ITGA9: variants seen among roughly 807,000 people sequenced by gnomAD.
ITGA9 encodes the protein integrin alpha-9.
Under a neutral mutation model 127.8 loss-of-function variants are expected in ITGA9, and 56 were observed. The ratio of observed to expected loss-of-function variants is 0.44; its 90% CI spans 0.35 to 0.55. The LOEUF (loss-of-function observed/expected upper bound fraction) is 0.55, where lower values mean the gene tolerates loss of function less well. Among genes scored for constraint, ITGA9 ranks in the 20% least tolerant of loss-of-function variants. The probability of loss-of-function intolerance (pLI) is 0.00; values close to 1 mark genes in which losing one functional copy is unlikely to be tolerated. For synonymous variants in ITGA9, 508 were observed against 514.5 expected, an observed-to-expected ratio of 0.99 and a Z score of 0.17; for missense variants, 1,196 against 1,347.1, an observed-to-expected ratio of 0.89 and a Z score of 1.76.
At position 37,799,296 on chromosome 3, in the gene ITGA9, A is replaced by C. The variant is rs983157749; in HGVS notation, c.2890-4527A>C. Among the ~76,000 whole-genome samples the C allele has an allele frequency of 7.9e-5, 12 of 152,118 alleles. No individual in the cohort carries two copies. The highest frequency in any genetic ancestry group is 6.5e-4 in the Admixed American group (10 of 15,272). ...CGGGCTCAAGTGATTCTCCTGCCTC[A>C]GCCTCCCAAGTAGCTGGGACTACAG... On this transcript the variant is annotated intron_variant, in intron 26 of 27. Transcript: ENST00000264741. The surrounding 1 kb of genome is among the most constrained non-coding windows in gnomAD (Gnocchi z 4.0).
chr3:37,751,568 G>A (rs1046078179), intron 23 of ITGA9, among the ~76,000 whole-genome samples: 2 of 152,132 alleles, frequency 1.3e-5, no homozygotes, highest in East Asian at 3.9e-4. Flanking sequence ...CTCAGATTCT[G>A]AAGGTACCCC....
chr3:37,535,461 A>G (rs1699198927), intron 14 of ITGA9, among the ~76,000 whole-genome samples: 1 of 152,174 alleles, frequency 6.6e-6, no homozygotes. Context: ...CTGGGGCCCC[A>G]TCTAGCATGA....
At chr3:37,747,719 T>C (rs867222910) in intron 22 of ITGA9, among the ~76,000 whole-genome samples, 1 of 149,416 alleles carries the variant, frequency 6.7e-6, no homozygotes. Flanking sequence ...TTTTTTTCTT[T>C]TTTTTTTTTG....
chr3:37,722,074 G>A (rs762254652), intron 18 of ITGA9, among the ~76,000 whole-genome samples: 3 of 152,100 alleles, frequency 2.0e-5, no homozygotes, highest in African/African-American at 4.8e-5. Context: ...CTTCCCAAAC[G>A]TGTGGCCTCT....
Position 37,798,610 on chromosome 3 carries a change from T to G in ITGA9, c.2890-5213T>G, listed in dbSNP as rs529398756. On this transcript the variant is annotated intron_variant, in intron 26 of 27. Coordinates refer to ENST00000264741, the MANE Select transcript of ITGA9 (RefSeq NM_002207.3). Reference sequence around the variant, plus strand: ...GGTGGAGGTCCCAAATTCTGTAAAGTTACCTATTAACTTACGGAAGGCTGA... The same window carrying G: ...GGTGGAGGTCCCAAATTCTGTAAAGGTACCTATTAACTTACGGAAGGCTGA... 2.0e-5 allele frequency among the ~76,000 whole-genome samples: 3 copies of G among 152,332 alleles called. No individual in the cohort carries two copies. In the South Asian group the frequency reaches 6.2e-4, roughly 32 times the overall value.
At chr3:37,662,098 A>G (rs1248092781) in intron 17 of ITGA9, among the ~76,000 whole-genome samples, 1 of 152,038 alleles carries the variant, frequency 6.6e-6, no homozygotes, top group African/African-American at 2.4e-5. Context: ...AGTGCTTTTA[A>G]CCTAACAAGA....
intron 23 of ITGA9, among the ~76,000 whole-genome samples, chr3:37,751,263 A>G (rs991511984): frequency 3.9e-5 from 6 of 152,184 alleles, no homozygotes; most frequent in African/African-American, 1.4e-4. Context: ...GTTCCATGGC[A>G]TCCCCTTGTC....
At chr3:37,657,316 G>C (rs972931269) in intron 17 of ITGA9, among the ~76,000 whole-genome samples, 1 of 152,220 alleles carries the variant, frequency 6.6e-6, no homozygotes, top group East Asian at 1.9e-4. Flanking sequence ...AATCCGCCTG[G>C]TCCTGGGCTT....
chr3:37,520,591 T>C (rs916535203), intron 11 of ITGA9, among the ~76,000 whole-genome samples: 5 of 152,226 alleles, frequency 3.3e-5, no homozygotes, highest in African/African-American at 9.6e-5. Flanking sequence ...TATTTTGCCA[T>C]GAGGCATACA....
At chr3:37,526,298 T>G (rs1460162847) in intron 13 of ITGA9, among the ~76,000 whole-genome samples, 2 of 152,104 alleles carry the variant, frequency 1.3e-5, no homozygotes, top group Non-Finnish European at 2.9e-5. Context: ...TGGGAGCTTC[T>G]AGGTAGGGGT....
chr3:37,552,469 TA>T (rs755100276), intron 15 of ITGA9, among the ~76,000 whole-genome samples: 2 of 152,150 alleles, frequency 1.3e-5, no homozygotes, highest in Non-Finnish European at 2.9e-5. Flanking sequence ...TTAGTATTAA[TA>T]TCATGGCCTC....
chr3:37,629,295 C>T lies in ITGA9; in HGVS notation c.1798C>T (p.Leu600Phe). The T allele has an allele frequency of 1.2e-6, 2 of 1,614,094 alleles. No individual in the cohort carries two copies. Among genetic ancestry groups the T allele is most frequent in the Non-Finnish European group, 1.7e-6 (2 of 1,180,014 alleles). Residue 600 changes from leucine (L) to phenylalanine (F), a missense_variant, in exon 16 of 28, where the codon CTC (leucine) becomes TTC (phenylalanine). By Grantham distance (22) the Leu-to-Phe change is conservative. Transcript: ENST00000264741. This position sits in a 1 kb window ranked among gnomAD's most constrained non-coding sequence, Gnocchi z 4.5. The stretch of plus-strand genomic sequence containing the variant: ...GGAACTGCCGCCTCTGACACCAGTT[C>T]TCCGCTGGAAAAAGGGACAAAAGAT... ...ERELPPLTPV[L>F]RWKKGQKIAQ...
chr3:37,644,204 A>T (rs1700356766), intron 16 of ITGA9, among the ~76,000 whole-genome samples: 1 of 152,212 alleles, frequency 6.6e-6, no homozygotes, highest in South Asian at 2.1e-4. Flanking sequence ...CTGGGCTGGG[A>T]GTCCCATGGG....
At chr3:37,680,888 G>A (rs1235229402) in intron 17 of ITGA9, among the ~76,000 whole-genome samples, 1 of 152,190 alleles carries the variant, frequency 6.6e-6, no homozygotes, top group Non-Finnish European at 1.5e-5. Context: ...TGAGATCAGG[G>A]TCTTAATTTA....
intron 17 of ITGA9, among the ~76,000 whole-genome samples, chr3:37,681,007 T>C (rs1240025877): frequency 2.6e-5 from 4 of 152,184 alleles, no homozygotes; most frequent in African/African-American, 9.6e-5. Context: ...TCATTGCACA[T>C]GTTATTCTTG....
At chr3:37,796,310 A>C (rs1052238797) in intron 26 of ITGA9, among the ~76,000 whole-genome samples, 1 of 152,164 alleles carries the variant, frequency 6.6e-6, no homozygotes, top group Non-Finnish European at 1.5e-5. Flanking sequence ...CCTTTGTAGC[A>C]CTTCCACAGT....
intron 8 of ITGA9, among the ~76,000 whole-genome samples, chr3:37,512,024 T>TTTTCTTCCTTTC (rs1698917729): frequency 1.2e-4 from 4 of 32,004 alleles, no homozygotes; most frequent in Admixed American, 4.2e-4. Flanking sequence ...TTTTCTTTTC[T>TTTTCTTCCTTTC]TTTCTTTCTT....
At chr3:37,801,345 C>T (rs944755036) in intron 26 of ITGA9, among the ~76,000 whole-genome samples, 4 of 152,128 alleles carry the variant, frequency 2.6e-5, no homozygotes, top group African/African-American at 9.7e-5. Context: ...GAGCCGGTCA[C>T]CTTCTGTTTC....
chr3:37,643,734 A>G (rs1195902312), intron 16 of ITGA9, among the ~76,000 whole-genome samples: 1 of 152,158 alleles, frequency 6.6e-6, no homozygotes, highest in Non-Finnish European at 1.5e-5. Context: ...ATCTTATGAG[A>G]TAATTTAGGA....
Sources: gnomAD v4.1 joint callset for allele counts (sites outside exome capture counted in the v4.1 genomes callset) on GRCh38, gnomAD v4.1.1 for gene constraint, Gnocchi (gnomAD v3.1) non-coding constraint, MANE v1.5 for transcripts, NCBI Gene and HGNC (gene_info 2026-07-23, HGNC 2026-07-21) for gene names.